CDH4: variants seen among roughly 807,000 people sequenced by gnomAD.
CDH4 encodes cadherin 4.
CDH4 carries 33 observed loss-of-function variants against 86.0 expected under a neutral mutation model. The ratio of observed to expected loss-of-function variants is 0.38; its 90% CI spans 0.29 to 0.51. CDH4 has a LOEUF of 0.51. Ranked by LOEUF, CDH4 falls within the 20% of genes least tolerant of loss-of-function variation. The pLI, the probability that CDH4 is intolerant of heterozygous loss-of-function variation, is 0.86. For synonymous variants in CDH4, 555 were observed against 549.4 expected (o/e 1.01, Z -0.14); for missense variants, 1,114 against 1,307.4 (o/e 0.85, Z 2.28).
At chr20:61,891,353 C>T (rs1216955544) in intron 7 of CDH4, among the ~76,000 whole-genome samples, 3 of 152,178 alleles carry the variant, frequency 2.0e-5, no homozygotes, top group Admixed American at 2.0e-4. Context: ...GCTCTGCAGC[C>T]TGCAGGCCCC....
intron 4 of CDH4, among the ~76,000 whole-genome samples, chr20:61,841,732 A>T (rs542137137): frequency 6.6e-6 from 1 of 152,026 alleles, no homozygotes; most frequent in South Asian, 2.1e-4. Context: ...ACAGACTGTG[A>T]GTGTGTGCAC....
chr20:61,792,931 G>A (rs943198687), intron 4 of CDH4, among the ~76,000 whole-genome samples: 2 of 151,988 alleles, frequency 1.3e-5, no homozygotes, highest in African/African-American at 4.8e-5. Flanking sequence ...TTATAGGCAT[G>A]AGCCACCGTG....
At chr20:61,254,994 A>T in intron 2 of CDH4, 57 bp downstream of exon 2, 1 of 1,017,886 alleles carries the variant, frequency 9.8e-7, no homozygotes. Context: ...TCCTTGGGGA[A>T]ACATGTAGAT....
chr20:61,620,332 A>C (rs1023542812), intron 2 of CDH4, among the ~76,000 whole-genome samples: 8 of 147,320 alleles, frequency 5.4e-5, no homozygotes, highest in African/African-American at 2.1e-4. Context: ...GGATGGATGG[A>C]TAGATGGATG....
chr20:61,764,475 C>T (rs978996223), intron 3 of CDH4, among the ~76,000 whole-genome samples: 2 of 152,138 alleles, frequency 1.3e-5, no homozygotes, highest in African/African-American at 4.8e-5. Context: ...GAAGCCTGTA[C>T]AGAGAGACCC....
chr20:61,533,535 C>T (rs1005494638), intron 2 of CDH4, among the ~76,000 whole-genome samples: 5 of 152,242 alleles, frequency 3.3e-5, no homozygotes, highest in African/African-American at 4.8e-5. Flanking sequence ...GCCTCCCTGG[C>T]GGGGCCCTGG....
At chr20:61,662,931 A>G (rs2087276842) in intron 2 of CDH4, among the ~76,000 whole-genome samples, 1 of 151,898 alleles carries the variant, frequency 6.6e-6, no homozygotes, top group Non-Finnish European at 1.5e-5. Context: ...GCGGTCCCTG[A>G]CTCAGCACCC....
chr20:61,891,559 C>T (rs1984820652), intron 7 of CDH4, among the ~76,000 whole-genome samples: 1 of 152,248 alleles, frequency 6.6e-6, no homozygotes, highest in Non-Finnish European at 1.5e-5. Flanking sequence ...AGGCCCCTGA[C>T]ACCTGCCTCC....
In CDH4 at chr20:61,544,991, A is replaced by G. The variant is rs2086067366; in HGVS notation, c.170-198572A>G. On this transcript the variant is annotated intron_variant, in intron 2 of 15. Coordinates refer to ENST00000614565, the MANE Select transcript of CDH4 (RefSeq NM_001794.5). This position sits in a 1 kb window ranked among gnomAD's most constrained non-coding sequence, Gnocchi z 6.5. ...TAGCAAATGACCCTTGAGCAGCCCTACTGGGGCCCCGAGTGGACAAACCAC... is the reference window on the plus strand; with the variant it reads ...TAGCAAATGACCCTTGAGCAGCCCTGCTGGGGCCCCGAGTGGACAAACCAC... 1.3e-5 allele frequency among the ~76,000 whole-genome samples: 2 copies of G among 152,186 alleles called. No individual in the cohort carries two copies. Among genetic ancestry groups the G allele is most frequent in the Non-Finnish European group, 2.9e-5 (2 of 68,034 alleles).
At chr20:61,680,399 A>C (rs535562024) in intron 2 of CDH4, among the ~76,000 whole-genome samples, 30 of 152,086 alleles carry the variant, frequency 2.0e-4, no homozygotes, top group African/African-American at 7.2e-4. Context: ...CCTTGCCCCA[A>C]GGTCCCTGGC....
At chr20:61,828,603 C>T (rs944700426) in intron 4 of CDH4, among the ~76,000 whole-genome samples, 12 of 152,182 alleles carry the variant, frequency 7.9e-5, no homozygotes. Flanking sequence ...GGGGAGGGTC[C>T]TGAGGAAATG....
chr20:61,355,634 T>C (rs1156364602), intron 2 of CDH4, among the ~76,000 whole-genome samples: 3 of 152,168 alleles, frequency 2.0e-5, no homozygotes, highest in Admixed American at 6.5e-5. Context: ...TAAGACATAC[T>C]CTCTGAGAAC....
intron 2 of CDH4, among the ~76,000 whole-genome samples, chr20:61,652,938 A>ATTATTTTTTTTTTTTTTT (rs2087138418): frequency 1.0e-5 from 1 of 97,402 alleles, no homozygotes; most frequent in African/African-American, 3.4e-5. Flanking sequence ...TTATTTATTT[A>ATTATTTTTTTTTTTTTTT]TTTTTTTTTT....
rs919238596 is a variant in CDH4, at chr20:61,517,894, C to A, written c.170-225669C>A. Among the ~76,000 whole-genome samples, 1 of 152,298 alleles carries A rather than the reference C, an allele frequency of 6.6e-6. No individual in the cohort carries two copies. Among genetic ancestry groups the A allele is most frequent in the East Asian group, 1.9e-4 (1 of 5,168 alleles). On this transcript the variant is annotated intron_variant, in intron 2 of 15. Coordinates refer to ENST00000614565, the MANE Select transcript of CDH4 (RefSeq NM_001794.5). This position sits in a 1 kb window ranked among gnomAD's most constrained non-coding sequence, Gnocchi z 6.6. The stretch of plus-strand genomic sequence containing the variant: ...GCAGGTGCCTCACAAAACCCATATA[C>A]CCCTCAGGGTCCCTCCCCCAAATGC...
chr20:61,854,048 G>A (rs749213858), intron 6 of CDH4, among the ~76,000 whole-genome samples: 6 of 152,298 alleles, frequency 3.9e-5, no homozygotes, highest in South Asian at 2.1e-4. Flanking sequence ...TCTGAACTTC[G>A]AGTTTAATGG....
At chr20:61,466,449 G>A (rs531359281) in intron 2 of CDH4, among the ~76,000 whole-genome samples, 36 of 152,276 alleles carry the variant, frequency 2.4e-4, no homozygotes, top group Non-Finnish European at 4.3e-4. Context: ...TACATAACAC[G>A]TGACTCAGTA....
intron 2 of CDH4, among the ~76,000 whole-genome samples, chr20:61,514,445 C>T (rs1198871597): frequency 2.6e-5 from 4 of 151,872 alleles, no homozygotes; most frequent in Admixed American, 6.6e-5. Context: ...CCATAGGGAA[C>T]GAACATCTTG....
chr20:61,743,841 C>T, intron 3 of CDH4, 52 bp downstream of exon 3: 2 of 1,341,650 alleles, frequency 1.5e-6, no homozygotes, highest in Non-Finnish European at 2.1e-6. Flanking sequence ...CCTAGTTCCT[C>T]CTGCAGGCCC....
At chr20:61,840,083 G>T (rs909916523) in intron 4 of CDH4, among the ~76,000 whole-genome samples, 1 of 152,090 alleles carries the variant, frequency 6.6e-6, no homozygotes, top group Admixed American at 6.6e-5. Context: ...GCTCTACCCC[G>T]CAATGCTTAT....
Sources: allele counts gnomAD v4.1 joint callset (sites outside exome capture counted in the v4.1 genomes callset), GRCh38; gene constraint gnomAD v4.1.1; non-coding constraint Gnocchi (gnomAD v3.1); transcripts MANE v1.5; gene names NCBI Gene and HGNC (gene_info 2026-07-23, HGNC 2026-07-21).